Variants in GHR observed in about 807,000 individuals in gnomAD.
GHR encodes the protein GH receptor.
Under a neutral mutation model 67.1 loss-of-function variants are expected in GHR, and 35 were observed. The observed-to-expected ratio is 0.52, with a 90% CI of 0.40 to 0.69. The LOEUF is 0.69. Ranked by LOEUF, GHR falls within the 30% of genes least tolerant of loss-of-function variation. The pLI, the probability that GHR is intolerant of heterozygous loss-of-function variation, is 0.00. For missense variants in GHR, 792 were observed against 764.6 expected, an observed-to-expected ratio of 1.04 and a Z score of -0.42; for synonymous variants, 272 against 269.1, an observed-to-expected ratio of 1.01 and a Z score of -0.10.
chr5:42,552,357 T>C (rs372961365), intron 1 of GHR, among the ~76,000 whole-genome samples: 3 of 152,298 alleles, frequency 2.0e-5, no homozygotes, highest in South Asian at 2.1e-4. Context: ...TAGTCTGTTG[T>C]AGATTTTGAC....
intron 5 of GHR, among the ~76,000 whole-genome samples, chr5:42,698,367 A>G (rs1445069508): frequency 1.3e-5 from 2 of 152,188 alleles, no homozygotes; most frequent in Admixed American, 6.5e-5. Flanking sequence ...TCCATTAAAA[A>G]CAATTTTATA....
At position 42,672,957 on chromosome 5, in the gene GHR, A is replaced by T. The variant is rs1329887820; in HGVS notation, c.137-15933A>T. 2.0e-5 allele frequency among the ~76,000 whole-genome samples: 3 copies of T among 152,202 alleles called. No homozygotes were observed. In the South Asian group the frequency reaches 6.2e-4, roughly 31 times the overall value. On this transcript the variant is annotated intron_variant, in intron 3 of 9. Coordinates refer to ENST00000230882, the MANE Select transcript of GHR (RefSeq NM_000163.5). ...AGAAGCTCTTAGTTTAAGAAAAAGA[A>T]ACCAGCAACAGAGTAAACAGCCTAC...
At chr5:42,488,003 A>G (rs1204361991) in intron 1 of GHR, among the ~76,000 whole-genome samples, 1 of 152,126 alleles carries the variant, frequency 6.6e-6, no homozygotes, top group Non-Finnish European at 1.5e-5. Flanking sequence ...ACAGCTCTTA[A>G]CATGCTTTTG....
At chr5:42,472,878 C>G (rs1371876473) in intron 1 of GHR, among the ~76,000 whole-genome samples, 1 of 152,114 alleles carries the variant, frequency 6.6e-6, no homozygotes, top group East Asian at 1.9e-4. Flanking sequence ...TTCCAAGATT[C>G]TGTTACTCTA....
At chr5:42,496,965 T>TA (rs1292661285) in intron 1 of GHR, among the ~76,000 whole-genome samples, 3 of 152,170 alleles carry the variant, frequency 2.0e-5, no homozygotes, top group South Asian at 2.1e-4. Context: ...GCAAAGCACT[T>TA]ACACCAGTAT....
intron 1 of GHR, chr5:42,468,397 G>C: frequency 8.3e-7 from 1 of 1,197,936 alleles, no homozygotes; most frequent in Non-Finnish European, 1.2e-6. Context: ...TAAGCTTTAT[G>C]TTTCAAAAGC....
intron 2 of GHR, among the ~76,000 whole-genome samples, chr5:42,577,530 T>A (rs1173779703): frequency 6.6e-6 from 1 of 152,230 alleles, no homozygotes; most frequent in Non-Finnish European, 1.5e-5. Flanking sequence ...TCATGCTTAC[T>A]TCCCCACATT....
At chr5:42,668,944 T>C (rs1032996245) in intron 3 of GHR, among the ~76,000 whole-genome samples, 1 of 152,204 alleles carries the variant, frequency 6.6e-6, no homozygotes, top group African/African-American at 2.4e-5. Context: ...GAACTATTTG[T>C]ATATGAAACA....
At chr5:42,613,317 C>T (rs1561168069) in intron 2 of GHR, among the ~76,000 whole-genome samples, 3 of 152,008 alleles carry the variant, frequency 2.0e-5, no homozygotes, top group Admixed American at 6.6e-5. Flanking sequence ...GTTGTTTCTC[C>T]GTGTGTGTTT....
chr5:42,474,333 G>GAAAGAAAGAAAGAAAGAAAGAAAGAAAGA (rs144590349), intron 1 of GHR, among the ~76,000 whole-genome samples: 1 of 149,106 alleles, frequency 6.7e-6, no homozygotes, highest in Non-Finnish European at 1.5e-5. Context: ...AAGAAAGAAA[G>GAAAGAAAGAAAGAAAGAAAGAAAGAAAGA]AAAGAAAAGA....
chr5:42,711,668 A>G (rs976833408), intron 7 of GHR, among the ~76,000 whole-genome samples: 1 of 152,046 alleles, frequency 6.6e-6, no homozygotes, highest in Non-Finnish European at 1.5e-5. Context: ...TTTTCTTTAT[A>G]TATTTTTATA....
intron 3 of GHR, among the ~76,000 whole-genome samples, chr5:42,663,128 G>A (rs1186270923): frequency 6.6e-6 from 1 of 152,108 alleles, no homozygotes; most frequent in African/African-American, 2.4e-5. Flanking sequence ...AAAGAGTCCA[G>A]GCCCAGATGG....
chr5:42,703,064 A>C (rs1758007460), intron 6 of GHR, among the ~76,000 whole-genome samples: 1 of 151,988 alleles, frequency 6.6e-6, no homozygotes, highest in Non-Finnish European at 1.5e-5. Context: ...AGTTTCATGT[A>C]ATCCCGTTTA....
At chr5:42,515,217 G>A (rs978414285) in intron 1 of GHR, among the ~76,000 whole-genome samples, 1 of 152,302 alleles carries the variant, frequency 6.6e-6, no homozygotes, top group East Asian at 1.9e-4. Context: ...CCAGAAAGCA[G>A]CTTTGCCTTA....
chr5:42,507,057 A>G (rs903627598), intron 1 of GHR, among the ~76,000 whole-genome samples: 3 of 152,210 alleles, frequency 2.0e-5, no homozygotes, highest in Admixed American at 2.0e-4. Context: ...AAATACATTA[A>G]AGTTCTTCCC....
At chr5:42,537,514 G>A (rs1004908383) in intron 1 of GHR, among the ~76,000 whole-genome samples, 9 of 152,120 alleles carry the variant, frequency 5.9e-5, no homozygotes, top group African/African-American at 2.2e-4. Context: ...AATGTGGTCT[G>A]AGAGAGTACT....
At chr5:42,567,038 A>G (rs1289404673) in intron 2 of GHR, among the ~76,000 whole-genome samples, 1 of 152,216 alleles carries the variant, frequency 6.6e-6, no homozygotes, top group Non-Finnish European at 1.5e-5. Context: ...CTGGCGTTAT[A>G]ATGTCAACAT....
intron 1 of GHR, among the ~76,000 whole-genome samples, chr5:42,517,486 G>A (rs1242609713): frequency 6.6e-6 from 1 of 152,066 alleles, no homozygotes; most frequent in Non-Finnish European, 1.5e-5. Flanking sequence ...CTGATCCTTG[G>A]AAAAAATATA....
chr5:42,474,092 G>C (rs544803911), intron 1 of GHR, among the ~76,000 whole-genome samples: 1 of 151,646 alleles, frequency 6.6e-6, no homozygotes, highest in African/African-American at 2.4e-5. Context: ...GGGAGGCTGA[G>C]GTAGAAGAAT....
Sources: gnomAD v4.1 joint callset for allele counts (sites outside exome capture counted in the v4.1 genomes callset) on GRCh38, gnomAD v4.1.1 for gene constraint, MANE v1.5 for transcripts, NCBI Gene and HGNC (gene_info 2026-07-23, HGNC 2026-07-21) for gene names.